Variants in ALK observed in about 807,000 individuals in gnomAD.
ALK encodes ALK tyrosine kinase receptor.
In ALK, 74 loss-of-function variants were observed where a neutral mutation model predicts 163.1. The observed-to-expected ratio is 0.45, with a 90% CI of 0.38 to 0.55. The LOEUF (loss-of-function observed/expected upper bound fraction) is 0.55, where lower values mean the gene tolerates loss of function less well. ALK is among the 20% of genes least tolerant of loss of function. The pLI is 0.00. For missense variants in ALK, 2,063 were observed against 2,105.3 expected (o/e 0.98, Z 0.39); for synonymous variants, 960 against 843.2 (o/e 1.14, Z -2.40).
chr2:29,208,076 G>GTC (rs3832036), intron 25 of ALK: 2 of 453,760 alleles, frequency 4.4e-6, no homozygotes, highest in Non-Finnish European at 8.9e-6. Context: ...AAATAGGTCA[G>GTC]TCTCTCTCTC....
At chr2:29,905,059 T>C (rs140757008) in intron 1 of ALK, among the ~76,000 whole-genome samples, 1,603 of 152,350 alleles carry the variant, frequency 0.011, 25 homozygotes, top group Admixed American at 0.032. Flanking sequence ...GGAGAGGACA[T>C]GTGGGTTGTG....
Position 29,286,518 on chromosome 2 carries a change from T to C in ALK, c.1817+10370A>G, listed in dbSNP as rs542514934. On this transcript the variant is annotated intron_variant, in intron 9 of 28. Transcript: ENST00000389048. The stretch of plus-strand genomic sequence containing the variant: ...TCTTTGTGTATGAGATCTGGGGCTC[T>C]GAAAGAAAAAAATACGTTTTCCAGG... The C allele has an allele frequency of 2.0e-5, 3 of 152,312 alleles. No individual in the cohort carries two copies. The East Asian group carries it at 5.8e-4, about 29-fold the overall frequency. 9.4% of individuals were successfully genotyped at this position (152,312 alleles called of 1,614,324 possible).
intron 4 of ALK, among the ~76,000 whole-genome samples, chr2:29,503,371 G>A (rs568430189): frequency 6.6e-6 from 1 of 152,290 alleles, no homozygotes; most frequent in South Asian, 2.1e-4. Flanking sequence ...ACAAATGTTT[G>A]TTGAACAACT....
chr2:29,913,439 C>A (rs959120354), intron 1 of ALK, among the ~76,000 whole-genome samples: 2 of 152,214 alleles, frequency 1.3e-5, no homozygotes, highest in Admixed American at 6.5e-5. Context: ...TGTGAAAGAG[C>A]CCTGGTCATC....
At chr2:29,318,630 G>A (rs574920358) in intron 7 of ALK, among the ~76,000 whole-genome samples, 5 of 151,068 alleles carry the variant, frequency 3.3e-5, no homozygotes, top group African/African-American at 7.3e-5. Context: ...GCAGTGGCGC[G>A]ATCTTGGCTC....
intron 3 of ALK, among the ~76,000 whole-genome samples, chr2:29,586,539 T>G (rs1674893557): frequency 6.6e-6 from 1 of 152,330 alleles, no homozygotes; most frequent in Middle Eastern, 3.4e-3. Context: ...GGGCTTCTGT[T>G]GCAGGCTCAA....
intron 1 of ALK, among the ~76,000 whole-genome samples, chr2:29,802,775 C>T (rs552506211): frequency 4.7e-4 from 60 of 128,932 alleles, no homozygotes; most frequent in African/African-American, 1.5e-3. Context: ...GAGACTGGAA[C>T]TCTTTTTTTT....
chr2:29,620,189 C>T (rs1031961843), intron 3 of ALK, among the ~76,000 whole-genome samples: 4 of 152,144 alleles, frequency 2.6e-5, no homozygotes, highest in African/African-American at 4.8e-5. Context: ...AACAACACAA[C>T]GGTGTTGCCT....
chr2:29,333,201 C>T (rs935604029), intron 5 of ALK, among the ~76,000 whole-genome samples: 6 of 152,150 alleles, frequency 3.9e-5, no homozygotes, highest in African/African-American at 2.4e-5. Context: ...CGGCAACCTC[C>T]GCCTCCTGGG....
At chr2:29,652,153 C>G (rs1677055735) in intron 3 of ALK, among the ~76,000 whole-genome samples, 1 of 152,086 alleles carries the variant, frequency 6.6e-6, no homozygotes, top group Non-Finnish European at 1.5e-5. Context: ...TTCACTATTT[C>G]ATCTATATTT....
rs144437923 is a variant in ALK at position 29,220,718 on chromosome 2, G to A, written c.3633C>T (p.Thr1211=). The A allele has an allele frequency of 1.9e-6, 3 of 1,613,752 alleles. No individual in the cohort carries two copies. The highest frequency in any genetic ancestry group is 2.5e-6 in the Non-Finnish European group (3 of 1,179,770). The part of the protein sequence containing the change: ...GGDLKSFLRE[T]RPRPSQPSSL... ...GGTTCTCACTCACCGGGCGAGGGCG[G>A]GTCTCTCGGAGGAAGGACTTGAGGT... Residue 1211 remains threonine (T), a synonymous_variant, in exon 23 of 29, where the codon ACC becomes ACT. Coordinates refer to ENST00000389048, the MANE Select transcript of ALK (RefSeq NM_004304.5).
intron 4 of ALK, among the ~76,000 whole-genome samples, chr2:29,438,541 A>G (rs925921995): frequency 6.6e-6 from 1 of 152,250 alleles, no homozygotes; most frequent in African/African-American, 2.4e-5. Context: ...TTTTTAAAGC[A>G]TGAGATTCAA....
chr2:29,593,397 T>C (rs1014061421), intron 3 of ALK, among the ~76,000 whole-genome samples: 12 of 152,224 alleles, frequency 7.9e-5, no homozygotes, highest in African/African-American at 2.9e-4. Context: ...GTAGTTTCCC[T>C]GAGAATGAGG....
At chr2:29,216,933 G>GGCATGTGTGT (rs1558619213) in intron 23 of ALK, among the ~76,000 whole-genome samples, 4 of 140,916 alleles carry the variant, frequency 2.8e-5, no homozygotes, top group Non-Finnish European at 6.1e-5. Context: ...GGTGTGTGGG[G>GGCATGTGTGT]GGTGTGTGTG....
chr2:29,847,619 A>T (rs551259262), intron 1 of ALK, among the ~76,000 whole-genome samples: 64 of 152,296 alleles, frequency 4.2e-4, no homozygotes, highest in African/African-American at 1.4e-3. Context: ...GGTGAACATG[A>T]CAATCTAGTT....
At chr2:29,408,658 A>G (rs1263814354) in intron 4 of ALK, among the ~76,000 whole-genome samples, 4 of 152,236 alleles carry the variant, frequency 2.6e-5, no homozygotes, top group Admixed American at 1.3e-4. Flanking sequence ...TATCTAATCC[A>G]TGATATGCGC....
intron 4 of ALK, among the ~76,000 whole-genome samples, chr2:29,392,909 T>C (rs1458860976): frequency 6.6e-6 from 1 of 152,186 alleles, no homozygotes; most frequent in African/African-American, 2.4e-5. Flanking sequence ...TCAGTGAATG[T>C]TCAATGTTAC....
chr2:29,355,491 G>GAC lies in ALK; in HGVS notation c.1283-27012_1283-27011dup, dbSNP rs148233746. On this transcript the variant is annotated intron_variant, in intron 5 of 28. Coordinates refer to ENST00000389048, the MANE Select transcript of ALK (RefSeq NM_004304.5). ...ACCACATACACACCCACCACACACA[G>GAC]ACACACACACACACACACCACTTGT... Among the ~76,000 whole-genome samples, 772 of 150,334 alleles carry GAC rather than the reference G, an allele frequency of 5.1e-3. 9 individuals are homozygous for GAC. The highest frequency in any genetic ancestry group is 0.017 in the African/African-American group (702 of 41,036).
At position 29,275,040 on chromosome 2, in the gene ALK, T is replaced by G. The variant is rs2148214882; in HGVS notation, c.2041+59A>C. Reference sequence around the variant, plus strand: ...CCCACCCTAAAGACAGCACCAATCTTTCTTCTGCCTTTTGCAACAAGAAGT... The same window carrying G: ...CCCACCCTAAAGACAGCACCAATCTGTCTTCTGCCTTTTGCAACAAGAAGT... On this transcript the variant is annotated intron_variant, in intron 11 of 28. Transcript: ENST00000389048. 5 of 1,610,470 alleles carry G rather than the reference T, an allele frequency of 3.1e-6. No individual in the cohort carries two copies. In the East Asian group the frequency reaches 1.1e-4, roughly 36 times the overall value.
Sources: allele counts gnomAD v4.1 joint callset (sites outside exome capture counted in the v4.1 genomes callset), GRCh38; gene constraint gnomAD v4.1.1; transcripts MANE v1.5; gene names NCBI Gene and HGNC (gene_info 2026-07-23, HGNC 2026-07-21).